The following GDAP1 variants were observed in gnomAD, a reference collection of about 807,000 sequenced individuals.
GDAP1 encodes the protein ganglioside induced differentiation associated protein 1, also known as ganglioside-induced differentiation-associated protein 1.
A neutral mutation model predicts 40.1 loss-of-function variants in GDAP1; 34 were observed. The observed-to-expected ratio is 0.85, with a 90% CI of 0.64 to 1.13. GDAP1 has a LOEUF of 1.13. GDAP1 is among the 50% of genes most tolerant of loss of function. GDAP1 has a pLI of 0.00. For synonymous variants in GDAP1, 170 were observed against 157.4 expected, an observed-to-expected ratio of 1.08 and a Z score of -0.60; for missense variants, 374 against 433.7, an observed-to-expected ratio of 0.86 and a Z score of 1.22.
At chr8:74,411,493 T>C (rs1805709136) in intron 2 of GDAP1, among the ~76,000 whole-genome samples, 1 of 148,476 alleles carries the variant, frequency 6.7e-6, no homozygotes, top group Non-Finnish European at 1.5e-5. Flanking sequence ...ATGTAAATAC[T>C]ACTAAACTAG....
intron 2 of GDAP1, among the ~76,000 whole-genome samples, chr8:74,412,196 A>G (rs1338865685): frequency 6.7e-6 from 1 of 150,192 alleles, no homozygotes; most frequent in African/African-American, 2.5e-5. Flanking sequence ...TGAGTTAAAA[A>G]TCAGATTATA....
At chr8:74,476,089 A>G (rs1806625285) in intron 2 of GDAP1, among the ~76,000 whole-genome samples, 1 of 152,148 alleles carries the variant, frequency 6.6e-6, no homozygotes, top group East Asian at 1.9e-4. Flanking sequence ...TTTGTCTGAA[A>G]TTAGGATTGC....
At chr8:74,432,041 G>A (rs573549492) in intron 2 of GDAP1, among the ~76,000 whole-genome samples, 4 of 152,254 alleles carry the variant, frequency 2.6e-5, no homozygotes, top group Admixed American at 1.3e-4. Context: ...TTTAGTCATT[G>A]TCATGCCTAT....
At chr8:74,419,038 G>T (rs1586828793) in intron 2 of GDAP1, among the ~76,000 whole-genome samples, 2 of 152,250 alleles carry the variant, frequency 1.3e-5, no homozygotes, top group Admixed American at 1.3e-4. Context: ...TACCAAGTGC[G>T]GGAGAATGCA....
chr8:74,385,637 A>G (rs1586817414), intron 2 of GDAP1, among the ~76,000 whole-genome samples: 1 of 152,210 alleles, frequency 6.6e-6, no homozygotes, highest in African/African-American at 2.4e-5. Flanking sequence ...TGCAATAAAC[A>G]TACGTGTGCA....
chr8:74,464,388 A>C (rs1586842743), intron 2 of GDAP1, among the ~76,000 whole-genome samples: 1 of 152,206 alleles, frequency 6.6e-6, no homozygotes, highest in South Asian at 2.1e-4. Context: ...GAACAGGGTC[A>C]TATTTTAGTG....
At chr8:74,396,071 T>A (rs1293468820) in intron 2 of GDAP1, among the ~76,000 whole-genome samples, 1 of 152,144 alleles carries the variant, frequency 6.6e-6, no homozygotes, top group African/African-American at 2.4e-5. Flanking sequence ...AATTCCTTAC[T>A]GTGTATCACA....
chr8:74,457,688 T>C (rs1296131869), intron 2 of GDAP1, among the ~76,000 whole-genome samples: 1 of 152,162 alleles, frequency 6.6e-6, no homozygotes. Flanking sequence ...TTTAAAGAAT[T>C]TCATAGAGAT....
At chr8:74,456,116 C>T (rs776265658) in intron 2 of GDAP1, among the ~76,000 whole-genome samples, 64 of 151,972 alleles carry the variant, frequency 4.2e-4, no homozygotes, top group African/African-American at 1.1e-3. Flanking sequence ...ACCTCAGTGA[C>T]AATTTTTTGT....
At chr8:74,446,937 C>T (rs1206364406) in intron 2 of GDAP1, among the ~76,000 whole-genome samples, 2 of 151,880 alleles carry the variant, frequency 1.3e-5, no homozygotes, top group Non-Finnish European at 2.9e-5. Flanking sequence ...ATTATGGGTA[C>T]TGATTTTTTT....
At chr8:74,382,376 G>T (rs1182774986) in intron 2 of GDAP1, among the ~76,000 whole-genome samples, 28 of 141,936 alleles carry the variant, frequency 2.0e-4, no homozygotes, top group East Asian at 6.1e-4. Context: ...ATTGCTAGTG[G>T]TTTTTTTTTT....
chr8:74,465,262 G>C (rs372782461), intron 2 of GDAP1, among the ~76,000 whole-genome samples: 1 of 151,974 alleles, frequency 6.6e-6, no homozygotes, highest in East Asian at 1.9e-4. Context: ...AACCTAAGCC[G>C]TGCTATTCTG....
chr8:74,363,981 T>G lies in GDAP1; in HGVS notation c.695-4T>G. 1 of 1,613,826 alleles carries G rather than the reference T, an allele frequency of 6.2e-7. No individual in the cohort carries two copies. ...TAATTCTCTATGTCCCTTTCTCTAATTAGAAGAGGGCCAGCAACCTTGGCT... is the reference window on the plus strand; with the variant it reads ...TAATTCTCTATGTCCCTTTCTCTAAGTAGAAGAGGGCCAGCAACCTTGGCT... On this transcript the variant is annotated splice_region_variant and splice_polypyrimidine_tract_variant and intron_variant, in intron 5 of 5. Coordinates refer to ENST00000220822, the MANE Select transcript of GDAP1 (RefSeq NM_018972.4).
rs746438323 is a variant in GDAP1 at position 74,361,951 on chromosome 8, A to G, written c.552A>G (p.Ala184=). ...LAEENPDLQE[A]YIAKQKRLKS... ...AAGAAAACCCAGATTTACAAGAAGC[A>G]TACATTGCAAAACAGAAACGACTTA... The change falls in exon 4 of 6, where the codon GCA becomes GCG. Residue 184 remains alanine, a synonymous_variant. Transcript: ENST00000220822. 8.7e-6 allele frequency: 14 copies of G among 1,602,346 alleles called. No homozygotes were observed. Among genetic ancestry groups the G allele is most frequent in the Non-Finnish European group, 1.0e-5 (12 of 1,170,074 alleles).
chr8:74,365,477 A>G lies in GDAP1; in HGVS notation c.*1110A>G. 2.2e-6 allele frequency: 1 copy of G among 454,038 alleles called. No homozygotes were observed. The highest frequency in any genetic ancestry group is 4.4e-6 in the Non-Finnish European group (1 of 226,758). The allele number at this position is 454,038 out of a possible 1,614,324, so 28.1% of individuals were successfully genotyped here. On this transcript the variant is annotated 3_prime_UTR_variant, in exon 6 of 6. Transcript: ENST00000220822. ...GTCCCATGAATAACCTTGGAACTGC[A>G]ACAAATGGTTTGTGCTCAGAAAAAG... is the stretch of plus-strand genomic sequence containing the variant.
chr8:74,361,530 G>A (rs527755994), intron 3 of GDAP1, among the ~76,000 whole-genome samples: 3 of 152,142 alleles, frequency 2.0e-5, no homozygotes, highest in African/African-American at 7.2e-5. Context: ...CCGAGTAGCT[G>A]GGATGACAGG....
chr8:74,473,336 A>G (rs1806584777), intron 2 of GDAP1, among the ~76,000 whole-genome samples: 1 of 152,026 alleles, frequency 6.6e-6, no homozygotes, highest in Admixed American at 6.6e-5. Flanking sequence ...TTTGTTGCAA[A>G]TGTTTTTGAT....
chr8:74,467,606 G>A (rs1223286471), intron 2 of GDAP1, among the ~76,000 whole-genome samples: 1 of 152,164 alleles, frequency 6.6e-6, no homozygotes, highest in Non-Finnish European at 1.5e-5. Flanking sequence ...AAGCTGCTAG[G>A]TTCACTGCAG....
At chr8:74,462,851 T>C (rs893022136) in intron 2 of GDAP1, among the ~76,000 whole-genome samples, 3 of 151,822 alleles carry the variant, frequency 2.0e-5, no homozygotes, top group Non-Finnish European at 4.4e-5. Flanking sequence ...TTAGAAAGCA[T>C]TTGAGTGATG....
Sources: gnomAD v4.1 joint callset for allele counts (sites outside exome capture counted in the v4.1 genomes callset) on GRCh38, gnomAD v4.1.1 for gene constraint, MANE v1.5 for transcripts, NCBI Gene and HGNC (gene_info 2026-07-23, HGNC 2026-07-21) for gene names.